STXBP4: variants seen among roughly 807,000 people sequenced by gnomAD.
STXBP4 encodes syntaxin binding protein 4, also known as syntaxin-binding protein 4.
In STXBP4, 55 loss-of-function variants were observed where a neutral mutation model predicts 76.1. The ratio of observed to expected loss-of-function variants is 0.72; its 90% confidence interval spans 0.58 to 0.91. The LOEUF (loss-of-function observed/expected upper bound fraction) is 0.91. Among genes scored for constraint, STXBP4 ranks in the 40% least tolerant of loss-of-function variants. The pLI is 0.00. For synonymous variants in STXBP4, 201 were observed against 220.2 expected, an observed-to-expected ratio of 0.91 and a Z score of 0.77; for missense variants, 618 against 636.9, an observed-to-expected ratio of 0.97 and a Z score of 0.32.
At position 55,064,664 on chromosome 17, in the gene STXBP4, C is replaced by T. The variant is rs546889399; in HGVS notation, c.1012-8236C>T. On this transcript the variant is annotated intron_variant, in intron 12 of 17. Transcript: ENST00000376352. ...ACGCCACCCGCCACCCGCCACCATGCCCGGCTAATTTTTGTACTTTTAGTA... is the reference window on the plus strand; with the variant it reads ...ACGCCACCCGCCACCCGCCACCATGTCCGGCTAATTTTTGTACTTTTAGTA... Among the ~76,000 whole-genome samples, 6 of 152,130 alleles carry T rather than the reference C, an allele frequency of 3.9e-5. No individual in the cohort carries two copies. In the East Asian group the frequency reaches 5.8e-4, roughly 15 times the overall value.
intron 16 of STXBP4, among the ~76,000 whole-genome samples, chr17:55,096,523 A>C (rs1029525119): frequency 6.6e-6 from 1 of 152,142 alleles, no homozygotes; most frequent in Non-Finnish European, 1.5e-5. Flanking sequence ...TCAATCTGCT[A>C]TAAGATATCT....
the STXBP4 span, among the ~76,000 whole-genome samples, chr17:55,211,573 T>C: frequency 2.0e-5 from 3 of 152,324 alleles, no homozygotes; most frequent in African/African-American, 7.2e-5. Context: ...CTATTGTTTT[T>C]TGCAGCTTAC....
intron 16 of STXBP4, among the ~76,000 whole-genome samples, chr17:55,091,490 A>G (rs1317347537): frequency 6.6e-6 from 1 of 152,180 alleles, no homozygotes; most frequent in Non-Finnish European, 1.5e-5. Context: ...GAGTGCAGAT[A>G]TGGCCCCAGA....
At chr17:55,030,124 T>C (rs971819641) in intron 8 of STXBP4, among the ~76,000 whole-genome samples, 57 of 152,240 alleles carry the variant, frequency 3.7e-4, no homozygotes, top group African/African-American at 1.3e-3. Context: ...AAAATAACAG[T>C]AGTTTCCTTT....
intron 9 of STXBP4, 23 bp downstream of exon 9, chr17:55,031,287 G>A (rs1255299277): frequency 1.3e-6 from 2 of 1,519,384 alleles, no homozygotes. Flanking sequence ...TTATTGTGTT[G>A]TATTATCACT....
intron 12 of STXBP4, among the ~76,000 whole-genome samples, chr17:55,054,771 A>G (rs1257781873): frequency 6.6e-6 from 1 of 152,172 alleles, no homozygotes; most frequent in Non-Finnish European, 1.5e-5. Flanking sequence ...TAGAAGAAAA[A>G]ATATTAAGAG....
In STXBP4 at chr17:55,022,082, CT is replaced by C. The variant is rs778955769; in HGVS notation, c.667-9074del. ...AGCTGTGTTCATTGACATGGAATGC[CT>C]TTTTTTTTTTTCAGTTCTGTCCCTT... On this transcript the variant is annotated intron_variant, in intron 8 of 17. Transcript: ENST00000376352. 8.7e-3 allele frequency among the ~76,000 whole-genome samples: 1,214 copies of C among 139,112 alleles called. 18 individuals are homozygous for C. The highest frequency in any genetic ancestry group is 0.043 in the East Asian group (209 of 4,842). The allele number at this position is 139,112 out of a possible 152,430, so 91.3% of individuals were successfully genotyped here.
In STXBP4 at chr17:55,073,561, G is replaced by A. The variant is rs375483723; in HGVS notation, c.1188+485G>A. Reference sequence around the variant, plus strand: ...TTTTTTTAATGTGAGGTGTACTAAAGTAGTTTCCAATAGATGATTTTCCAG... The same window carrying A: ...TTTTTTTAATGTGAGGTGTACTAAAATAGTTTCCAATAGATGATTTTCCAG... On this transcript the variant is annotated intron_variant, in intron 13 of 17. Coordinates refer to ENST00000376352, the MANE Select transcript of STXBP4 (RefSeq NM_178509.6). Among the ~76,000 whole-genome samples, 239 of 152,240 alleles carry A rather than the reference G, an allele frequency of 1.6e-3. 7 individuals are homozygous for A. In the South Asian group the frequency reaches 0.045, roughly 29 times the overall value.
intron 17 of STXBP4, among the ~76,000 whole-genome samples, chr17:55,153,771 G>A (rs1369456807): frequency 6.6e-6 from 1 of 152,100 alleles, no homozygotes; most frequent in African/African-American, 2.4e-5. Context: ...ATTTAACGTG[G>A]AAACGTTGAC....
chr17:55,032,290 AT>A (rs1435528637), intron 9 of STXBP4, among the ~76,000 whole-genome samples: 1 of 152,162 alleles, frequency 6.6e-6, no homozygotes, highest in Non-Finnish European at 1.5e-5. Flanking sequence ...AAAAAAAGAT[AT>A]TTTTCATCCC....
chr17:55,046,543 T>C (rs1454820344), intron 11 of STXBP4, among the ~76,000 whole-genome samples: 3 of 151,946 alleles, frequency 2.0e-5, no homozygotes, highest in Non-Finnish European at 4.4e-5. Context: ...ATGCTTGACT[T>C]AATTTCAAAT....
Position 55,144,004 on chromosome 17 carries a change from T to TGCGC in STXBP4, c.1547+2639_1547+2640insGCGC, listed in dbSNP as rs200876987. Among the ~76,000 whole-genome samples the TGCGC allele has an allele frequency of 8.4e-4, 83 of 98,788 alleles. 1 individual carries two copies. Among genetic ancestry groups the TGCGC allele is most frequent in the African/African-American group, 2.8e-3 (79 of 28,080 alleles). 64.8% of individuals were successfully genotyped at this position (98,788 alleles called of 152,430 possible). The stretch of plus-strand genomic sequence containing the variant: ...AGGGTTGTCTGGCCCCAAAGCCACC[T>TGCGC]GCACACACACACACACACACACACA... On this transcript the variant is annotated intron_variant, in intron 17 of 17. Coordinates refer to ENST00000376352, the MANE Select transcript of STXBP4 (RefSeq NM_178509.6).
At chr17:55,190,478 T>C in the STXBP4 span, among the ~76,000 whole-genome samples, 1 of 152,308 alleles carries the variant, frequency 6.6e-6, no homozygotes, top group East Asian at 1.9e-4. Context: ...GCCACAGATA[T>C]GTCTGACATT....
intron 17 of STXBP4, among the ~76,000 whole-genome samples, chr17:55,151,537 A>G (rs1157716792): frequency 6.6e-6 from 1 of 152,202 alleles, no homozygotes; most frequent in Non-Finnish European, 1.5e-5. Context: ...TAGCACTGGT[A>G]TTAAGCAGGT....
At chr17:55,014,743 A>T (rs994757376) in intron 8 of STXBP4, among the ~76,000 whole-genome samples, 1 of 152,164 alleles carries the variant, frequency 6.6e-6, no homozygotes, top group African/African-American at 2.4e-5. Flanking sequence ...TTCCCTTGAC[A>T]TAAGGGGTAT....
chr17:55,161,379 GAGAGAA>G lies in STXBP4; in HGVS notation c.*1469_*1474del, dbSNP rs2080335554. 6.6e-6 allele frequency: 1 copy of G among 152,196 alleles called. No individual in the cohort carries two copies. 9.4% of individuals were successfully genotyped at this position (152,196 alleles called of 1,614,324 possible). On this transcript the variant is annotated 3_prime_UTR_variant, in exon 18 of 18. Transcript: ENST00000376352. ...AGGAAGCTTCGGGGAGACAAGTTTT[GAGAGAA>G]GCCCCAGAGGGAGCTATTTCCTTGC...
chr17:55,130,570 A>C (rs2079963488), intron 16 of STXBP4, among the ~76,000 whole-genome samples: 1 of 152,186 alleles, frequency 6.6e-6, no homozygotes, highest in Non-Finnish European at 1.5e-5. Flanking sequence ...GAAATATACA[A>C]CACATTCTTA....
chr17:54,979,352 A>G (rs2077516188), intron 1 of STXBP4, among the ~76,000 whole-genome samples: 1 of 152,194 alleles, frequency 6.6e-6, no homozygotes, highest in Non-Finnish European at 1.5e-5. Context: ...CTTTTTGAAC[A>G]TAAAATCAAG....
chr17:55,047,550 A>G (rs2078806955), intron 12 of STXBP4, among the ~76,000 whole-genome samples: 1 of 151,822 alleles, frequency 6.6e-6, no homozygotes, highest in East Asian at 1.9e-4. Context: ...AAGGCAGAGC[A>G]TTTTTTACAT....
Sources: gnomAD v4.1 joint callset for allele counts (sites outside exome capture counted in the v4.1 genomes callset) on GRCh38, gnomAD v4.1.1 for gene constraint, MANE v1.5 for transcripts, NCBI Gene and HGNC (gene_info 2026-07-23, HGNC 2026-07-21) for gene names.